The following PEX7 variants were observed in gnomAD, a reference collection of about 807,000 sequenced individuals.
The protein encoded by PEX7 is PTS2 receptor.
PEX7 carries 34 observed loss-of-function variants against 47.5 expected under a neutral mutation model. The ratio of observed to expected loss-of-function variants is 0.72; its 90% CI spans 0.54 to 0.95. The LOEUF (loss-of-function observed/expected upper bound fraction) is 0.95, where lower values mean the gene tolerates loss of function less well. Ranked by LOEUF, PEX7 falls within the 40% of genes least tolerant of loss-of-function variation. PEX7 has a pLI of 0.00. For synonymous variants in PEX7, 141 were observed against 148.8 expected, an observed-to-expected ratio of 0.95 and a Z score of 0.38; for missense variants, 394 against 400.3, an observed-to-expected ratio of 0.98 and a Z score of 0.13.
chr6:136,909,596 T>C lies in PEX7; in HGVS notation c.904-3862T>C, dbSNP rs1262371765. ...GTTAGTTAGTAAAGTGCTTTTTTCT[T>C]ACCTTATTATTATTTTCTTTATTGT... On this transcript the variant is annotated intron_variant, in intron 9 of 9. Transcript: ENST00000318471. Among the ~76,000 whole-genome samples the C allele has an allele frequency of 2.0e-5, 3 of 152,224 alleles. No homozygotes were observed. In the East Asian group the frequency reaches 5.8e-4, roughly 29 times the overall value.
In PEX7 at chr6:136,868,805, A is replaced by G. The variant is rs370170172; in HGVS notation, c.634-1085A>G. ...GGGGTGGACTGAGTGTGGACCCAGCACTTGTCCTATTCAGCCAGGACCTCT... is the reference window on the plus strand; with the variant it reads ...GGGGTGGACTGAGTGTGGACCCAGCGCTTGTCCTATTCAGCCAGGACCTCT... On this transcript the variant is annotated intron_variant, in intron 6 of 9. Coordinates refer to ENST00000318471, the MANE Select transcript of PEX7 (RefSeq NM_000288.4). Among the ~76,000 whole-genome samples, 33 of 152,006 alleles carry G rather than the reference A, an allele frequency of 2.2e-4. No individual in the cohort carries two copies. In the South Asian group the frequency reaches 6.5e-3, roughly 30 times the overall value.
chr6:136,845,749 A>G, intron 4 of PEX7, 57 bp downstream of exon 4: 1 of 1,066,774 alleles, frequency 9.4e-7, no homozygotes, highest in Non-Finnish European at 1.5e-6. Context: ...AGCTTCCACT[A>G]AATTTTCTTC....
At chr6:136,823,180 G>C (rs954949529) in intron 1 of PEX7, 1 of 985,384 alleles carries the variant, frequency 1.0e-6, no homozygotes, top group Non-Finnish European at 1.2e-6. Context: ...AAGACGGTCT[G>C]AGCCAGAACC....
At chr6:136,825,806 T>G (rs921387162) in intron 2 of PEX7, among the ~76,000 whole-genome samples, 9 of 152,196 alleles carry the variant, frequency 5.9e-5, no homozygotes, top group Admixed American at 3.3e-4. Context: ...AAGTGGGTAT[T>G]ATATGCGTGA....
At chr6:136,874,623 C>G (rs1438133223) in intron 8 of PEX7, among the ~76,000 whole-genome samples, 1 of 143,640 alleles carries the variant, frequency 7.0e-6, no homozygotes, top group East Asian at 2.1e-4. Context: ...GAGCTAAAAT[C>G]ATACCACTGC....
chr6:136,839,904 T>C (rs1420333266), intron 3 of PEX7, among the ~76,000 whole-genome samples: 1 of 152,088 alleles, frequency 6.6e-6, no homozygotes, highest in Non-Finnish European at 1.5e-5. Flanking sequence ...TAATGTCTAA[T>C]GTGGTAAGCG....
At chr6:136,855,549 A>G (rs1013853495) in intron 5 of PEX7, 5 of 163,780 alleles carry the variant, frequency 3.1e-5, no homozygotes, top group Non-Finnish European at 5.3e-5. Flanking sequence ...CTTGTTGGCC[A>G]GGCTGGTCTC....
At chr6:136,913,348 G>A in intron 9 of PEX7, 110 bp from the exon 10 acceptor site, 1 of 773,662 alleles carries the variant, frequency 1.3e-6, no homozygotes, top group Non-Finnish European at 2.3e-6. Context: ...TCAAAAATAT[G>A]TTTACTAGTG....
intron 3 of PEX7, among the ~76,000 whole-genome samples, chr6:136,842,023 G>C (rs1483928575): frequency 2.7e-5 from 4 of 146,804 alleles, no homozygotes; most frequent in African/African-American, 7.6e-5. Flanking sequence ...TTTTGAGACA[G>C]GTTCTCACTC....
intron 9 of PEX7, 75 bp downstream of exon 9, chr6:136,898,316 A>G (rs1017253580): frequency 7.7e-6 from 7 of 912,694 alleles, no homozygotes; most frequent in African/African-American, 4.9e-5. Flanking sequence ...CATTGCTTTT[A>G]TGAATAAAAT....
chr6:136,854,366 T>C (rs1267905158), intron 5 of PEX7, among the ~76,000 whole-genome samples: 1 of 152,110 alleles, frequency 6.6e-6, no homozygotes, highest in Non-Finnish European at 1.5e-5. Flanking sequence ...TTTGTATTTT[T>C]AGTAGAGACA....
At chr6:136,905,007 T>C (rs1775821425) in intron 9 of PEX7, among the ~76,000 whole-genome samples, 1 of 152,232 alleles carries the variant, frequency 6.6e-6, no homozygotes, top group African/African-American at 2.4e-5. Flanking sequence ...CTACTCAACT[T>C]ACCTTTGAAG....
At chr6:136,864,171 T>C (rs1775015876) in intron 5 of PEX7, among the ~76,000 whole-genome samples, 1 of 152,180 alleles carries the variant, frequency 6.6e-6, no homozygotes, top group Non-Finnish European at 1.5e-5. Context: ...CTACTTTATG[T>C]AGTTGTGATG....
intron 9 of PEX7, among the ~76,000 whole-genome samples, chr6:136,899,444 A>G (rs574677222): frequency 3.3e-5 from 5 of 152,214 alleles, no homozygotes; most frequent in African/African-American, 1.2e-4. Context: ...GGGTTTCGCC[A>G]TGTTGACTAG....
rs368674023 is a variant in PEX7 at position 136,844,917 on chromosome 6, G to A, written c.340-698G>A. On this transcript the variant is annotated intron_variant, in intron 3 of 9. Coordinates refer to ENST00000318471, the MANE Select transcript of PEX7 (RefSeq NM_000288.4). ...TAACCTGCTGGCTGATCACCAATGT[G>A]ATATACCAATGGCATATACTCAGGT... 2.0e-4 allele frequency among the ~76,000 whole-genome samples: 30 copies of A among 152,302 alleles called. 1 individual carries two copies. Among genetic ancestry groups the A allele is most frequent in the Admixed American group, 9.2e-4 (14 of 15,294 alleles).
chr6:136,898,260 T>G lies in PEX7; in HGVS notation c.903+19T>G. On this transcript the variant is annotated intron_variant, in intron 9 of 9. Coordinates refer to ENST00000318471, the MANE Select transcript of PEX7 (RefSeq NM_000288.4). ...CACTCAGGTAACGGATACAATCTCATGATATTCTCTTCTGCCCAAGTTCAC... is the reference window on the plus strand; with the variant it reads ...CACTCAGGTAACGGATACAATCTCAGGATATTCTCTTCTGCCCAAGTTCAC... 7.2e-7 allele frequency: 1 copy of G among 1,393,352 alleles called. No individual in the cohort carries two copies. Among genetic ancestry groups the G allele is most frequent in the Non-Finnish European group, 1.0e-6 (1 of 978,770 alleles). The allele number at this position is 1,393,352 out of a possible 1,614,324, so 86.3% of individuals were successfully genotyped here.
intron 9 of PEX7, among the ~76,000 whole-genome samples, chr6:136,901,969 G>A (rs2115280484): frequency 6.6e-6 from 1 of 152,256 alleles, no homozygotes; most frequent in Non-Finnish European, 1.5e-5. Context: ...ATTTTTAGTA[G>A]AGATGGGGTT....
chr6:136,839,165 A>G (rs1378228848), intron 3 of PEX7, among the ~76,000 whole-genome samples: 1 of 152,170 alleles, frequency 6.6e-6, no homozygotes, highest in African/African-American at 2.4e-5. Context: ...AGCCTGGGTA[A>G]CAGAGTGAGA....
intron 5 of PEX7, among the ~76,000 whole-genome samples, chr6:136,860,669 A>G (rs79187584): frequency 7.6e-5 from 6 of 79,004 alleles, no homozygotes; most frequent in African/African-American, 3.4e-4. Flanking sequence ...AAGTATAATT[A>G]AAAAAAAAAA....
Sources: gnomAD v4.1 joint callset for allele counts (sites outside exome capture counted in the v4.1 genomes callset) on GRCh38, gnomAD v4.1.1 for gene constraint, MANE v1.5 for transcripts, NCBI Gene and HGNC (gene_info 2026-07-23, HGNC 2026-07-21) for gene names.